Variants in RCHY1 observed in about 807,000 individuals in gnomAD.
The protein encoded by RCHY1 is RING finger and CHY zinc finger domain-containing protein 1.
Under a neutral mutation model 41.6 loss-of-function variants are expected in RCHY1, and 21 were observed. The ratio of observed to expected loss-of-function variants is 0.51; its 90% CI spans 0.36 to 0.73. The LOEUF is 0.73. Among genes scored for constraint, RCHY1 ranks in the 30% least tolerant of loss-of-function variants. The pLI is 0.00. For missense variants in RCHY1, 265 were observed against 325.3 expected (o/e 0.81, Z 1.43); for synonymous variants, 79 against 102.9 (o/e 0.77, Z 1.41).
In RCHY1 at chr4:75,487,438, T is replaced by C. The variant is rs572624101; in HGVS notation, c.657+3143A>G. Among the ~76,000 whole-genome samples the C allele has an allele frequency of 5.0e-5, 7 of 141,130 alleles. No individual in the cohort carries two copies. The South Asian group carries it at 8.5e-4, about 17-fold the overall frequency. The allele number at this position is 141,130 out of a possible 152,430, so 92.6% of individuals were successfully genotyped here. On this transcript the variant is annotated intron_variant, in intron 8 of 8. Transcript: ENST00000324439. ...CTCATATTGGCTATATAAATGACTA[T>C]ATATAAATATATATATAGTCATATA...
At chr4:75,496,872 C>T (rs1050576982) in intron 3 of RCHY1, among the ~76,000 whole-genome samples, 3 of 151,970 alleles carry the variant, frequency 2.0e-5, no homozygotes, top group Non-Finnish European at 2.9e-5. Flanking sequence ...AAAAACACAA[C>T]CTAAAATGAG....
intron 3 of RCHY1, among the ~76,000 whole-genome samples, chr4:75,507,588 T>G (rs910978441): frequency 4.6e-5 from 7 of 152,038 alleles, no homozygotes; most frequent in African/African-American, 1.7e-4. Flanking sequence ...TTCAACTATA[T>G]GCTGTTTTAC....
At position 75,514,370 on chromosome 4, in the gene RCHY1, C is replaced by A; in HGVS notation, c.-84G>T. 7.0e-7 allele frequency: 1 copy of A among 1,429,682 alleles called. No individual in the cohort carries two copies. The highest frequency in any genetic ancestry group is 1.3e-5 in the South Asian group (1 of 75,848). The allele number at this position is 1,429,682 out of a possible 1,614,324, so 88.6% of individuals were successfully genotyped here. A position where few individuals can be genotyped will look rare whatever the true frequency, so the allele number is the denominator to read the frequency against. On this transcript the variant is annotated 5_prime_UTR_variant, in exon 1 of 9. Coordinates refer to ENST00000324439, the MANE Select transcript of RCHY1 (RefSeq NM_015436.4). ...GAGAAGCTGCGCCTCTCTAGCACAC[C>A]CCTCCCAGCCCCAGCGGCCACTAGC...
rs1560512669 is a variant in RCHY1, at chr4:75,487,589, C to CACA, written c.657+2991_657+2992insTGT. 1.6e-3 allele frequency among the ~76,000 whole-genome samples: 128 copies of CACA among 78,424 alleles called. 8 individuals are homozygous for CACA. In the South Asian group the frequency reaches 0.048, roughly 29 times the overall value. 51.4% of individuals were successfully genotyped at this position (78,424 alleles called of 152,430 possible). A position where few individuals can be genotyped will look rare whatever the true frequency, so the allele number is the denominator to read the frequency against. On this transcript the variant is annotated intron_variant, in intron 8 of 8. Coordinates refer to ENST00000324439, the MANE Select transcript of RCHY1 (RefSeq NM_015436.4). ...TAATATATATATTCATATATATATT[C>CACA]ATAATATATATTCATATATATTCAT...
At chr4:75,499,462 C>T (rs939729337) in intron 3 of RCHY1, among the ~76,000 whole-genome samples, 6 of 152,220 alleles carry the variant, frequency 3.9e-5, no homozygotes, top group Non-Finnish European at 8.8e-5. Context: ...CAAAGGGTAT[C>T]TGCACTCCCA....
At position 75,494,164 on chromosome 4, in the gene RCHY1, T is replaced by C. The variant is rs760885259; in HGVS notation, c.342A>G (p.Glu114=). The change falls in exon 4 of 9, where the codon GAA becomes GAG. Residue 114 remains glutamate, a synonymous_variant. Coordinates refer to ENST00000324439, the MANE Select transcript of RCHY1 (RefSeq NM_015436.4). Reference sequence around the variant, plus strand: ...TACATTTCAAACAATGGAAAAAATCTTCCTTTGGACCAATCCTAGCAAAAC... The same window carrying C: ...TACATTTCAAACAATGGAAAAAATCCTCCTTTGGACCAATCCTAGCAAAAC... ...NCGICRIGPK[E]DFFHCLKCNL... 1 of 1,570,002 alleles carries C rather than the reference T, an allele frequency of 6.4e-7. No individual in the cohort carries two copies. The highest frequency in any genetic ancestry group is 1.2e-5 in the South Asian group (1 of 84,238).
At chr4:75,487,398 TA>T (rs1722115821) in intron 8 of RCHY1, among the ~76,000 whole-genome samples, 1 of 147,498 alleles carries the variant, frequency 6.8e-6, no homozygotes, top group Non-Finnish European at 1.5e-5. Flanking sequence ...TTTTGCTTTT[TA>T]AAACCTGTTA....
intron 3 of RCHY1, among the ~76,000 whole-genome samples, chr4:75,502,477 T>A (rs1723875146): frequency 1.3e-5 from 2 of 152,208 alleles, no homozygotes; most frequent in South Asian, 4.1e-4. Context: ...GAGGCAGAGC[T>A]TGCAGTGAGC....
intron 1 of RCHY1, among the ~76,000 whole-genome samples, chr4:75,513,480 A>G (rs1193846895): frequency 6.6e-6 from 1 of 152,196 alleles, no homozygotes; most frequent in Admixed American, 6.5e-5. Flanking sequence ...ATCAGTTATT[A>G]AAGAGGAGAG....
At chr4:75,510,089 A>C (rs1319086900) in intron 1 of RCHY1, among the ~76,000 whole-genome samples, 1 of 152,198 alleles carries the variant, frequency 6.6e-6, no homozygotes. Context: ...TATTGCACAA[A>C]ATGCAACAAA....
chr4:75,511,555 C>T (rs975825125), intron 1 of RCHY1, among the ~76,000 whole-genome samples: 1 of 152,092 alleles, frequency 6.6e-6, no homozygotes, highest in Non-Finnish European at 1.5e-5. Context: ...CTCAAGACAA[C>T]CCTCTAATTT....
chr4:75,514,353 G>C lies in RCHY1; in HGVS notation c.-67C>G, dbSNP rs1725331814. On this transcript the variant is annotated 5_prime_UTR_variant, in exon 1 of 9. Coordinates refer to ENST00000324439, the MANE Select transcript of RCHY1 (RefSeq NM_015436.4). The stretch of plus-strand genomic sequence containing the variant: ...GATAAAAACCACGCCCAGAGAAGCT[G>C]CGCCTCTCTAGCACACCCCTCCCAG... 1.3e-6 allele frequency: 2 copies of C among 1,541,186 alleles called. No homozygotes were observed.
intron 3 of RCHY1, among the ~76,000 whole-genome samples, chr4:75,496,478 T>A (rs1456542380): frequency 6.6e-6 from 1 of 151,954 alleles, no homozygotes; most frequent in African/African-American, 2.4e-5. Flanking sequence ...CATCAGCACA[T>A]GGATGTAAGA....
chr4:75,506,783 A>T (rs958250501), intron 3 of RCHY1, among the ~76,000 whole-genome samples: 9 of 152,258 alleles, frequency 5.9e-5, no homozygotes, highest in Non-Finnish European at 1.3e-4. Context: ...CAAGCCACAG[A>T]TTCAACAAAT....
intron 3 of RCHY1, among the ~76,000 whole-genome samples, chr4:75,504,460 C>T (rs1217274683): frequency 6.6e-6 from 1 of 152,126 alleles, no homozygotes; most frequent in Non-Finnish European, 1.5e-5. Flanking sequence ...CATATTTTCT[C>T]CTTATGATTG....
At chr4:75,505,518 A>G (rs965531013) in intron 3 of RCHY1, among the ~76,000 whole-genome samples, 1 of 152,120 alleles carries the variant, frequency 6.6e-6, no homozygotes, top group Non-Finnish European at 1.5e-5. Context: ...ATTAGAAGCT[A>G]TGTGTAGATA....
In RCHY1 at chr4:75,480,584, C is replaced by T. The variant is rs1721442202; in HGVS notation, c.*1954G>A. ...TGTAGTAATTAATGCTAATGCATGA[C>T]CCAGCACAGATGTTGAAAACAGAAG... On this transcript the variant is annotated 3_prime_UTR_variant, in exon 9 of 9. Transcript: ENST00000324439. 6.6e-6 allele frequency: 1 copy of T among 152,132 alleles called. No individual in the cohort carries two copies. The highest frequency in any genetic ancestry group is 6.6e-5 in the Admixed American group (1 of 15,262). 9.4% of individuals were successfully genotyped at this position (152,132 alleles called of 1,614,324 possible).
rs1256090777 is a variant in RCHY1, at chr4:75,481,510, G to A, written c.*1028C>T. 6.6e-6 allele frequency: 1 copy of A among 152,152 alleles called. No individual in the cohort carries two copies. Among genetic ancestry groups the A allele is most frequent in the Non-Finnish European group, 1.5e-5 (1 of 68,020 alleles). 9.4% of individuals were successfully genotyped at this position (152,152 alleles called of 1,614,324 possible). On this transcript the variant is annotated 3_prime_UTR_variant, in exon 9 of 9. Transcript: ENST00000324439. ...CCCAAAAAAGTATTATGAAATCAGA[G>A]ATCTTGCCAGGAATATCCCATGCCC...
At chr4:75,512,590 T>C (rs983230763) in intron 1 of RCHY1, among the ~76,000 whole-genome samples, 4 of 152,170 alleles carry the variant, frequency 2.6e-5, no homozygotes, top group African/African-American at 9.7e-5. Flanking sequence ...AAACATGCTG[T>C]AATACTTCCT....
Sources: gnomAD v4.1 joint callset for allele counts (sites outside exome capture counted in the v4.1 genomes callset) on GRCh38, gnomAD v4.1.1 for gene constraint, MANE v1.5 for transcripts, NCBI Gene and HGNC (gene_info 2026-07-23, HGNC 2026-07-21) for gene names.